TUB: variants seen among roughly 807,000 people sequenced by gnomAD.
The protein encoded by TUB is tubby protein homolog.
A neutral mutation model predicts 59.7 loss-of-function variants in TUB; 33 were observed. The ratio of observed to expected loss-of-function variants is 0.55; its 90% CI spans 0.42 to 0.74. TUB has a LOEUF of 0.74. Among genes scored for constraint, TUB ranks in the 30% least tolerant of loss-of-function variants. The pLI, the probability that TUB is intolerant of heterozygous loss-of-function variation, is 0.00. For missense variants in TUB, 659 were observed against 672.0 expected, an observed-to-expected ratio of 0.98 and a Z score of 0.21; for synonymous variants, 293 against 256.4, an observed-to-expected ratio of 1.14 and a Z score of -1.36.
chr11:8,020,026 G>A (rs942074226), intron 1 of TUB, among the ~76,000 whole-genome samples: 6 of 152,240 alleles, frequency 3.9e-5, no homozygotes. Flanking sequence ...GGAGGAAGGA[G>A]TCATCCTCCC....
At chr11:8,100,302 A>C (rs1589994491) in intron 9 of TUB, among the ~76,000 whole-genome samples, 1 of 152,296 alleles carries the variant, frequency 6.6e-6, no homozygotes, top group Middle Eastern at 3.4e-3. Flanking sequence ...AGAAGCAAGG[A>C]TGACGCATAA....
intron 2 of TUB, among the ~76,000 whole-genome samples, chr11:8,040,898 C>A (rs1564899641): frequency 6.6e-6 from 1 of 152,240 alleles, no homozygotes; most frequent in Non-Finnish European, 1.5e-5. Flanking sequence ...GATCCCACAT[C>A]CAACCCCTTG....
intron 1 of TUB, among the ~76,000 whole-genome samples, chr11:8,087,323 C>T (rs1040615590): frequency 3.3e-5 from 5 of 152,242 alleles, no homozygotes; most frequent in Non-Finnish European, 5.9e-5. Context: ...TCTTGCTCAG[C>T]CAAGCCCAGG....
chr11:8,097,369 G>C lies in TUB; in HGVS notation c.829G>C (p.Asp277His). Residue 277 changes from aspartate (D) to histidine (H), a missense_variant, in exon 7 of 12, where the codon GAC becomes CAC. Physicochemically the swap from Asp to His is moderately conservative, Grantham distance 81 (BLOSUM62 -1). Coordinates refer to ENST00000299506, the MANE Select transcript of TUB (RefSeq NM_177972.3). The stretch of plus-strand genomic sequence containing the variant: ...CATCACTCGGGACAAGAAAGGGATG[G>C]ACCGGGGCATGTACCCCACCTACTT... ...CRITRDKKGMDRGMYPTYFLH... is the reference protein window; with the variant it reads ...CRITRDKKGMHRGMYPTYFLH... 1 of 1,614,198 alleles carries C rather than the reference G, an allele frequency of 6.2e-7. No individual in the cohort carries two copies. The highest frequency in any genetic ancestry group is 8.5e-7 in the Non-Finnish European group (1 of 1,180,034).
chr11:8,021,434 C>A (rs1206656135), intron 1 of TUB, among the ~76,000 whole-genome samples: 1 of 151,144 alleles, frequency 6.6e-6, no homozygotes, highest in African/African-American at 2.4e-5. Context: ...TGTGTCACTG[C>A]ACTCCAGCCT....
chr11:8,040,830 A>G (rs75031413), intron 2 of TUB, among the ~76,000 whole-genome samples: 362 of 152,306 alleles, frequency 2.4e-3, no homozygotes, highest in African/African-American at 7.8e-3. Context: ...TTTGAGTGAT[A>G]TAAGTTGATG....
At position 8,052,218 on chromosome 11, in the gene TUB, T is replaced by C. The variant is rs1942944156; in HGVS notation, c.203+12526T>C. Reference sequence around the variant, plus strand: ...TGAATTTTGGAATAAATTTGTCCAGTTGAAAAAAAATTCTGCTGCATTTAT... The same window carrying C: ...TGAATTTTGGAATAAATTTGTCCAGCTGAAAAAAAATTCTGCTGCATTTAT... On this transcript the variant is annotated intron_variant, in intron 2 of 12. Transcript: ENST00000305253. 1.3e-5 allele frequency among the ~76,000 whole-genome samples: 2 copies of C among 152,178 alleles called. 1 individual carries two copies.
intron 2 of TUB, among the ~76,000 whole-genome samples, chr11:8,044,529 T>C (rs1218642275): frequency 6.6e-6 from 1 of 152,264 alleles, no homozygotes; most frequent in Non-Finnish European, 1.5e-5. Flanking sequence ...TGTACTGTTT[T>C]TACCCACAAC....
Position 8,101,831 on chromosome 11 carries a change from A to G in TUB, c.*212A>G. 2 of 714,496 alleles carry G rather than the reference A, an allele frequency of 2.8e-6. No homozygotes were observed. Among genetic ancestry groups the G allele is most frequent in the South Asian group, 2.0e-5 (1 of 50,500 alleles). 44.3% of individuals were successfully genotyped at this position (714,496 alleles called of 1,614,324 possible). ...AGTGGAGAGCGGGTGGGTGGGTGTG[A>G]AGGGATGAGAATAATTCTTTCCATG... On this transcript the variant is annotated 3_prime_UTR_variant, in exon 12 of 12. Coordinates refer to ENST00000299506, the MANE Select transcript of TUB (RefSeq NM_177972.3).
In TUB at chr11:8,101,715, T is replaced by C. The variant is rs1001438720; in HGVS notation, c.*96T>C. ...CTGCCTATCCTCTGTATATAGGCCTTCCGCCAGATGAAGCTTTGGCCCTCA... is the reference window on the plus strand; with the variant it reads ...CTGCCTATCCTCTGTATATAGGCCTCCCGCCAGATGAAGCTTTGGCCCTCA... On this transcript the variant is annotated 3_prime_UTR_variant, in exon 12 of 12. Transcript: ENST00000299506. 6.7e-7 allele frequency: 1 copy of C among 1,485,930 alleles called. No individual in the cohort carries two copies. Among genetic ancestry groups the C allele is most frequent in the Non-Finnish European group, 9.0e-7 (1 of 1,115,846 alleles). 92.0% of individuals were successfully genotyped at this position (1,485,930 alleles called of 1,614,324 possible).
chr11:8,101,487 G>T lies in TUB; in HGVS notation c.1389G>T (p.Pro463=). The T allele has an allele frequency of 6.2e-7, 1 of 1,614,110 alleles. No homozygotes were observed. The highest frequency in any genetic ancestry group is 8.5e-7 in the Non-Finnish European group (1 of 1,180,014). Residue 463 remains proline (P), a splice_region_variant and synonymous_variant, in exon 12 of 12, where the codon CCG becomes CCT. Transcript: ENST00000299506. ...GTCTGTGCCTGTGCTTGGCCCCAGCGGACTACATCGTGATGCAGTTTGGCC... is the reference window on the plus strand; with the variant it reads ...GTCTGTGCCTGTGCTTGGCCCCAGCTGACTACATCGTGATGCAGTTTGGCC... ...KNFQIIHGND[P]DYIVMQFGRV...
chr11:8,097,549 C>T, intron 7 of TUB, 124 bp downstream of exon 7: 2 of 1,397,068 alleles, frequency 1.4e-6, no homozygotes, highest in Non-Finnish European at 2.0e-6. Flanking sequence ...AAACTGCCTT[C>T]GTGTCTGGTC....
intron 2 of TUB, among the ~76,000 whole-genome samples, chr11:8,064,706 G>A (rs80355584): frequency 6.6e-6 from 1 of 152,212 alleles, no homozygotes; most frequent in Non-Finnish European, 1.5e-5. Flanking sequence ...TCAGGGGCAT[G>A]AAACCCAGTG....
Position 8,089,655 on chromosome 11 carries a change from T to C in TUB, c.84T>C (p.Asp28=). The C allele has an allele frequency of 6.2e-7, 1 of 1,614,162 alleles. No homozygotes were observed. Among genetic ancestry groups the C allele is most frequent in the East Asian group, 2.2e-5 (1 of 44,870 alleles). The change falls in exon 2 of 12, where the codon GAT becomes GAC. Residue 28 remains aspartate (D), a synonymous_variant. Coordinates refer to ENST00000299506, the MANE Select transcript of TUB (RefSeq NM_177972.3). ...GAAACCTGAGGCAGCAGAAGCTTGATCGGCAGGTGAGTAGGCCTGGGGCCG... is the reference window on the plus strand; with the variant it reads ...GAAACCTGAGGCAGCAGAAGCTTGACCGGCAGGTGAGTAGGCCTGGGGCCG... ...EGRNLRQQKL[D]RQRALLEQKQ...
At chr11:8,039,085 C>T (rs1942697248) in intron 1 of TUB, 6 of 1,583,708 alleles carry the variant, frequency 3.8e-6, no homozygotes, top group South Asian at 2.3e-5. Context: ...GTCAGCTCCA[C>T]CCACCCACCC....
At chr11:8,034,490 G>T (rs1942619485), upstream of TUB, among the ~76,000 whole-genome samples, 1 of 152,168 alleles carries the variant, frequency 6.6e-6, no homozygotes, top group South Asian at 2.1e-4. Flanking sequence ...CTCATGGGCT[G>T]GTACTGACAT....
intron 2 of TUB, among the ~76,000 whole-genome samples, chr11:8,044,195 C>A (rs1049665824): frequency 2.0e-5 from 3 of 152,088 alleles, no homozygotes; most frequent in African/African-American, 7.2e-5. Context: ...CCTGAAACTC[C>A]AACTATGTGT....
rs1192102630 is a variant in TUB, at chr11:8,097,799, G to A, written c.971G>A (p.Gly324Glu). ...ISVDPTDLSR[G>E]GDSYIGKLRS... ...GTGGACCCAACAGACTTGTCTCGAG[G>A]AGGGGACAGCTATATCGGGAAACTG... Residue 324 changes from glycine (G) to glutamate (E), a missense_variant, in exon 8 of 12, where the codon GGA becomes GAA. Physicochemically the swap from Gly to Glu is moderately conservative, Grantham distance 98. Transcript: ENST00000299506. 1.9e-6 allele frequency: 3 copies of A among 1,613,918 alleles called. No homozygotes were observed. Among genetic ancestry groups the A allele is most frequent in the Admixed American group, 3.3e-5 (2 of 59,986 alleles).
intron 1 of TUB, among the ~76,000 whole-genome samples, chr11:8,029,377 T>A (rs1942539305): frequency 7.7e-6 from 1 of 129,946 alleles, no homozygotes; most frequent in Non-Finnish European, 1.6e-5. Flanking sequence ...TTCTTTTCTT[T>A]TTCTTTCTTT....
Sources: allele counts gnomAD v4.1 joint callset (sites outside exome capture counted in the v4.1 genomes callset), GRCh38; gene constraint gnomAD v4.1.1; transcripts MANE v1.5; gene names NCBI Gene and HGNC (gene_info 2026-07-23, HGNC 2026-07-21).